The following CACNA1C variants were observed in gnomAD, a reference collection of about 807,000 sequenced individuals.
The protein encoded by CACNA1C is voltage-dependent L-type calcium channel subunit alpha-1C.
Under a neutral mutation model 229.0 loss-of-function variants are expected in CACNA1C, and 30 were observed. The ratio of observed to expected loss-of-function variants is 0.13; its 90% CI spans 0.10 to 0.18. The LOEUF is 0.18. CACNA1C is among the 10% of genes least tolerant of loss of function. The probability of loss-of-function intolerance (pLI) is 1.00; values close to 1 mark genes in which losing one functional copy is unlikely to be tolerated. For synonymous variants in CACNA1C, 1,114 were observed against 1,132.5 expected (o/e 0.98, Z 0.33); for missense variants, 1,658 against 2,845.0 (o/e 0.58, Z 9.49).
At chr12:2,297,505 C>G (rs984421225) in intron 3 of CACNA1C, among the ~76,000 whole-genome samples, 36 of 152,170 alleles carry the variant, frequency 2.4e-4, no homozygotes, top group African/African-American at 8.2e-4. Context: ...GTGGCCCTTG[C>G]TTCCAAGGAG....
chr12:2,533,974 G>A (rs1253269219), intron 9 of CACNA1C, among the ~76,000 whole-genome samples: 1 of 152,198 alleles, frequency 6.6e-6, no homozygotes, highest in African/African-American at 2.4e-5. Flanking sequence ...AGCACACCAA[G>A]CTACATGGCA....
chr12:2,288,453 G>A (rs746349029), intron 3 of CACNA1C, among the ~76,000 whole-genome samples: 35 of 152,126 alleles, frequency 2.3e-4, no homozygotes, highest in Non-Finnish European at 4.0e-4. Flanking sequence ...GTGCTTTTCC[G>A]CCTCTCCCCA....
In CACNA1C at chr12:2,380,030, C is replaced by CAAAAAAAAAAAAAAAAAAAAA. The variant is rs1172016514; in HGVS notation, c.478-68932_478-68931insAAAAAAAAAAAAAAAAAAAAA. 8.0e-4 allele frequency among the ~76,000 whole-genome samples: 64 copies of CAAAAAAAAAAAAAAAAAAAAA among 79,912 alleles called. 1 individual carries two copies. The highest frequency in any genetic ancestry group is 2.1e-3 in the Admixed American group (17 of 8,010). The allele number at this position is 79,912 out of a possible 152,430, so 52.4% of individuals were successfully genotyped here. ...TGGGCGACAGAGCGAGACTCCGTCT[C>CAAAAAAAAAAAAAAAAAAAAA]AAAAAAAAAAAAAAGACATAATATT... On this transcript the variant is annotated intron_variant, in intron 3 of 46. Transcript: ENST00000399655.
rs1208501391 is a variant in CACNA1C, at chr12:2,649,329, G to C, written c.3945+822G>C. On this transcript the variant is annotated intron_variant, in intron 31 of 46. Transcript: ENST00000399655. The surrounding 1 kb of genome is among the most constrained non-coding windows in gnomAD (Gnocchi z 4.4). ...CCGGGCCAAGTATGAGTTTTTAGAA[G>C]GACCAGTGGGGTTGATTGACCAAGC... is the stretch of plus-strand genomic sequence containing the variant. Among the ~76,000 whole-genome samples, 1 of 152,192 alleles carries C rather than the reference G, an allele frequency of 6.6e-6. No homozygotes were observed. The highest frequency in any genetic ancestry group is 1.5e-5 in the Non-Finnish European group (1 of 68,034).
Position 2,605,034 on chromosome 12 carries a change from C to T in CACNA1C, c.2961-47C>T. 2 of 1,422,048 alleles carry T rather than the reference C, an allele frequency of 1.4e-6. No homozygotes were observed. Among genetic ancestry groups the T allele is most frequent in the Middle Eastern group, 1.7e-4 (1 of 5,742 alleles). The allele number at this position is 1,422,048 out of a possible 1,614,324, so 88.1% of individuals were successfully genotyped here. Reference sequence around the variant, plus strand: ...CCCTTACCACATTATTTTTGCTCCCCCCAGAAACAGGAGGAGCTTACTACC... The same window carrying T: ...CCCTTACCACATTATTTTTGCTCCCTCCAGAAACAGGAGGAGCTTACTACC... On this transcript the variant is annotated intron_variant, in intron 22 of 46. Transcript: ENST00000399655. The surrounding 1 kb of genome is among the most constrained non-coding windows in gnomAD (Gnocchi z 6.2).
intron 5 of CACNA1C, among the ~76,000 whole-genome samples, chr12:2,461,955 C>T (rs2099508519): frequency 6.6e-6 from 1 of 152,154 alleles, no homozygotes; most frequent in Non-Finnish European, 1.5e-5. Flanking sequence ...ACAGCCAAGT[C>T]GGATCATGTT....
intron 3 of CACNA1C, among the ~76,000 whole-genome samples, chr12:2,432,251 AGG>A (rs1417376022): frequency 6.6e-6 from 1 of 152,208 alleles, no homozygotes; most frequent in Non-Finnish European, 1.5e-5. Context: ...TAGCCCTTTT[AGG>A]GGGCATGTGG....
intron 3 of CACNA1C, among the ~76,000 whole-genome samples, chr12:2,263,169 G>A (rs567515003): frequency 2.0e-5 from 3 of 152,068 alleles, no homozygotes; most frequent in Non-Finnish European, 4.4e-5. Flanking sequence ...TGGATCTGGG[G>A]AGAGGGCATT....
At chr12:2,210,387 G>A (rs2097883556) in intron 3 of CACNA1C, among the ~76,000 whole-genome samples, 1 of 152,222 alleles carries the variant, frequency 6.6e-6, no homozygotes, top group East Asian at 1.9e-4. Context: ...AGTGGGATGT[G>A]ATGATAGTGC....
At chr12:2,237,087 T>G (rs1422883397) in intron 3 of CACNA1C, among the ~76,000 whole-genome samples, 1 of 152,202 alleles carries the variant, frequency 6.6e-6, no homozygotes, top group East Asian at 1.9e-4. Context: ...TTGCTTGTCG[T>G]GTGGGGCATA....
intron 3 of CACNA1C, among the ~76,000 whole-genome samples, chr12:2,279,954 A>G (rs2090480351): frequency 6.6e-6 from 1 of 152,214 alleles, no homozygotes; most frequent in African/African-American, 2.4e-5. Context: ...TCAATCCCCT[A>G]CAGTTACTGA....
At chr12:2,024,758 T>G (rs978680562) in intron 1 of CACNA1C, among the ~76,000 whole-genome samples, 2 of 152,244 alleles carry the variant, frequency 1.3e-5, no homozygotes, top group Non-Finnish European at 2.9e-5. Flanking sequence ...TGAGAGCATC[T>G]GCACTCTGAC....
At chr12:1,976,939 A>G (rs1005920637) in intron 1 of CACNA1C, among the ~76,000 whole-genome samples, 6 of 152,284 alleles carry the variant, frequency 3.9e-5, no homozygotes, top group Admixed American at 3.9e-4. Context: ...TCAGATTCTC[A>G]TAGGGGTTTG....
intron 3 of CACNA1C, among the ~76,000 whole-genome samples, chr12:2,334,338 G>A (rs557806114): frequency 2.0e-5 from 3 of 152,316 alleles, no homozygotes; most frequent in Admixed American, 6.5e-5. Context: ...AGAAAGCCAG[G>A]GAAAAGGTTG....
intron 43 of CACNA1C, among the ~76,000 whole-genome samples, chr12:2,683,547 G>A (rs1249233882): frequency 6.6e-6 from 1 of 152,214 alleles, no homozygotes; most frequent in Non-Finnish European, 1.5e-5. Context: ...TTTCAATTTT[G>A]TAGAAAGGGA....
At chr12:2,023,978 C>T (rs1470480827) in intron 1 of CACNA1C, among the ~76,000 whole-genome samples, 1 of 152,134 alleles carries the variant, frequency 6.6e-6, no homozygotes, top group African/African-American at 2.4e-5. Context: ...TTAATCTTCC[C>T]AGATTAAGGG....
chr12:2,190,840 C>T (rs1469486946), intron 3 of CACNA1C, among the ~76,000 whole-genome samples: 2 of 152,126 alleles, frequency 1.3e-5, no homozygotes, highest in African/African-American at 4.8e-5. Context: ...ATACTTCTGC[C>T]GACAGGCTGT....
At chr12:2,266,731 T>C (rs1478989932) in intron 3 of CACNA1C, among the ~76,000 whole-genome samples, 1 of 152,210 alleles carries the variant, frequency 6.6e-6, no homozygotes, top group African/African-American at 2.4e-5. Context: ...TCATGTGAAA[T>C]TCTTAGGAAA....
intron 3 of CACNA1C, among the ~76,000 whole-genome samples, chr12:2,294,082 G>A (rs2093776640): frequency 6.6e-6 from 1 of 152,210 alleles, no homozygotes; most frequent in African/African-American, 2.4e-5. Context: ...GACATGAGGG[G>A]TGTTTACCAT....
Sources: gnomAD v4.1 joint callset for allele counts (sites outside exome capture counted in the v4.1 genomes callset) on GRCh38, gnomAD v4.1.1 for gene constraint, Gnocchi (gnomAD v3.1) non-coding constraint, MANE v1.5 for transcripts, NCBI Gene and HGNC (gene_info 2026-07-23, HGNC 2026-07-21) for gene names.